The following PPP1R17 variants were observed in gnomAD, a reference collection of about 807,000 sequenced individuals.
PPP1R17 encodes the protein protein phosphatase 1 regulatory subunit 17.
PPP1R17 carries 12 observed loss-of-function variants against 15.9 expected under a neutral mutation model. That is an observed-to-expected ratio of 0.75 (90% CI 0.48 to 1.22). The LOEUF is 1.22. PPP1R17 is among the 50% of genes most tolerant of loss of function. PPP1R17 has a pLI of 0.00. For synonymous variants in PPP1R17, 63 were observed against 64.5 expected (o/e 0.98, Z 0.11); for missense variants, 211 against 187.3 (o/e 1.13, Z -0.74).
intron 2 of PPP1R17, among the ~76,000 whole-genome samples, chr7:31,694,713 CA>C (rs970853996): frequency 6.6e-6 from 1 of 152,070 alleles, no homozygotes; most frequent in African/African-American, 2.4e-5. Flanking sequence ...AGGCAGAACA[CA>C]AAGGATAGAG....
At chr7:31,701,705 T>C (rs1017250849) in intron 4 of PPP1R17, among the ~76,000 whole-genome samples, 4 of 152,244 alleles carry the variant, frequency 2.6e-5, no homozygotes, top group Non-Finnish European at 5.9e-5. Context: ...CACAGCCACC[T>C]AACCTTCAGC....
chr7:31,688,450 A>G (rs963327964), intron 1 of PPP1R17, among the ~76,000 whole-genome samples: 1 of 152,224 alleles, frequency 6.6e-6, no homozygotes, highest in Non-Finnish European at 1.5e-5. Context: ...AAAAATCCAG[A>G]CCAGCTTCTG....
At chr7:31,692,969 C>G (rs528590787) in intron 2 of PPP1R17, among the ~76,000 whole-genome samples, 11 of 152,274 alleles carry the variant, frequency 7.2e-5, no homozygotes, top group Admixed American at 7.2e-4. Context: ...GCTTTATTGT[C>G]AATCTGTTTC....
chr7:31,707,811 G>A lies in PPP1R17; in HGVS notation c.*528G>A, dbSNP rs1186710847. ...TAAGAGTCCAAATGTCTCTGGTGAT[G>A]TTCCTAAGACCCTTGTCCCAGATAC... On this transcript the variant is annotated 3_prime_UTR_variant, in exon 5 of 5. Coordinates refer to ENST00000342032, the MANE Select transcript of PPP1R17 (RefSeq NM_006658.5). 1.9e-5 allele frequency: 3 copies of A among 154,018 alleles called. No individual in the cohort carries two copies. The highest frequency in any genetic ancestry group is 7.2e-5 in the African/African-American group (3 of 41,454). The allele number at this position is 154,018 out of a possible 1,614,324, so 9.5% of individuals were successfully genotyped here.
chr7:31,707,294 CCT>C lies in PPP1R17; in HGVS notation c.*12_*13del, dbSNP rs574700693. The stretch of plus-strand genomic sequence containing the variant: ...AAGATAGCTATTTAAAGATAGTTCC[CCT>C]GAGACCACTTGTAAATAGGTTAGAT... On this transcript the variant is annotated 3_prime_UTR_variant, in exon 5 of 5. Coordinates refer to ENST00000342032, the MANE Select transcript of PPP1R17 (RefSeq NM_006658.5). 26 of 1,607,686 alleles carry C rather than the reference CCT, an allele frequency of 1.6e-5. No individual in the cohort carries two copies. In the African/African-American group the frequency reaches 1.7e-4, roughly 11 times the overall value.
At chr7:31,693,277 G>A (rs1016967154) in intron 2 of PPP1R17, among the ~76,000 whole-genome samples, 2 of 152,204 alleles carry the variant, frequency 1.3e-5, no homozygotes, top group Non-Finnish European at 1.5e-5. Context: ...GGGTTGAATT[G>A]TAGCCCATGA....
chr7:31,688,157 C>T (rs745312484), intron 1 of PPP1R17, among the ~76,000 whole-genome samples: 18 of 152,094 alleles, frequency 1.2e-4, no homozygotes, highest in African/African-American at 3.9e-4. Flanking sequence ...GACCTGGGCT[C>T]GGGACTCCAT....
In PPP1R17 at chr7:31,697,124, A is replaced by T; in HGVS notation, c.388+7A>T. 1 of 1,613,614 alleles carries T rather than the reference A, an allele frequency of 6.2e-7. No homozygotes were observed. The highest frequency in any genetic ancestry group is 1.3e-5 in the African/African-American group (1 of 75,002). The stretch of plus-strand genomic sequence containing the variant: ...ATGTCCCCCTTTGCAGCAGGTAAAA[A>T]AGCTGGTGCAGGGCATTTGCAGGGG... On this transcript the variant is annotated splice_region_variant and intron_variant, in intron 4 of 4. Coordinates refer to ENST00000342032, the MANE Select transcript of PPP1R17 (RefSeq NM_006658.5).
At chr7:31,693,134 C>A (rs1319180205) in intron 2 of PPP1R17, among the ~76,000 whole-genome samples, 1 of 152,010 alleles carries the variant, frequency 6.6e-6, no homozygotes, top group African/African-American at 2.4e-5. Flanking sequence ...GGTTATGACT[C>A]CCCCCTCCTC....
intron 2 of PPP1R17, among the ~76,000 whole-genome samples, chr7:31,694,243 A>G (rs558618682): frequency 6.6e-6 from 1 of 152,292 alleles, no homozygotes; most frequent in Admixed American, 6.5e-5. Context: ...TACATTTATG[A>G]AGATGGGAAG....
At chr7:31,706,086 T>A (rs1793060408) in intron 4 of PPP1R17, among the ~76,000 whole-genome samples, 1 of 136,818 alleles carries the variant, frequency 7.3e-6, no homozygotes, top group Admixed American at 8.1e-5. Flanking sequence ...CTTGCTGCAA[T>A]CTCTGCCTCC....
intron 1 of PPP1R17, among the ~76,000 whole-genome samples, chr7:31,692,154 C>A (rs1471480432): frequency 6.6e-6 from 1 of 152,112 alleles, no homozygotes; most frequent in Non-Finnish European, 1.5e-5. Context: ...TGAGAGAGGG[C>A]AAATATTGGA....
chr7:31,689,226 A>G (rs997668493), intron 1 of PPP1R17, among the ~76,000 whole-genome samples: 2 of 152,194 alleles, frequency 1.3e-5, no homozygotes, highest in Non-Finnish European at 2.9e-5. Context: ...CTGAACCAAT[A>G]AGTGGAAAGA....
chr7:31,692,480 A>G lies in PPP1R17; in HGVS notation c.39A>G (p.Ser13=), dbSNP rs1482547028. 1.2e-6 allele frequency: 2 copies of G among 1,612,190 alleles called. No homozygotes were observed. Among genetic ancestry groups the G allele is most frequent in the East Asian group, 4.5e-5 (2 of 44,866 alleles). Residue 13 remains serine (S), a synonymous_variant, in exon 2 of 5, where the codon TCA becomes TCG. Coordinates refer to ENST00000342032, the MANE Select transcript of PPP1R17 (RefSeq NM_006658.5). Reference sequence around the variant, plus strand: ...AGCAAATGCAGCCACTGGAACTCTCAGAAGACAGACTGGACAAGCTAGACC... The same window carrying G: ...AGCAAATGCAGCCACTGGAACTCTCGGAAGACAGACTGGACAAGCTAGACC... The part of the protein sequence containing the change: ...STEQMQPLEL[S]EDRLDKLDPR...
At chr7:31,705,195 A>G (rs1203506025) in intron 4 of PPP1R17, among the ~76,000 whole-genome samples, 1 of 152,178 alleles carries the variant, frequency 6.6e-6, no homozygotes, top group Non-Finnish European at 1.5e-5. Context: ...CTGAAATCCC[A>G]GGAACTTTTG....
At position 31,702,762 on chromosome 7, in the gene PPP1R17, A is replaced by G. The variant is rs193247749; in HGVS notation, c.389-4442A>G. 3.3e-5 allele frequency among the ~76,000 whole-genome samples: 5 copies of G among 152,296 alleles called. No individual in the cohort carries two copies. The East Asian group carries it at 7.7e-4, about 24-fold the overall frequency. The stretch of plus-strand genomic sequence containing the variant: ...GGTATTGATCTTGATATCTAGTCCA[A>G]TCATTTCTACATAGCAATACTCACT... On this transcript the variant is annotated intron_variant, in intron 4 of 4. Coordinates refer to ENST00000342032, the MANE Select transcript of PPP1R17 (RefSeq NM_006658.5).
intron 4 of PPP1R17, among the ~76,000 whole-genome samples, chr7:31,698,985 G>A (rs1792730528): frequency 6.6e-6 from 1 of 152,126 alleles, no homozygotes; most frequent in African/African-American, 2.4e-5. Context: ...TATGTGCCAG[G>A]CACAGCTCAA....
intron 4 of PPP1R17, among the ~76,000 whole-genome samples, chr7:31,706,890 C>G (rs1793090996): frequency 6.6e-6 from 1 of 152,106 alleles, no homozygotes; most frequent in African/African-American, 2.4e-5. Context: ...ACTGTGAGTG[C>G]AAAGCAATTG....
intron 2 of PPP1R17, among the ~76,000 whole-genome samples, chr7:31,693,290 G>T (rs1481526230): frequency 6.6e-6 from 1 of 152,180 alleles, no homozygotes; most frequent in Non-Finnish European, 1.5e-5. Flanking sequence ...GCCCATGACA[G>T]GTTTGTACCT....
Sources: allele counts gnomAD v4.1 joint callset (sites outside exome capture counted in the v4.1 genomes callset), GRCh38; gene constraint gnomAD v4.1.1; transcripts MANE v1.5; gene names NCBI Gene and HGNC (gene_info 2026-07-23, HGNC 2026-07-21).